Variants in IL1RAPL2 observed in about 807,000 individuals in gnomAD.
The protein encoded by IL1RAPL2 is interleukin 1 receptor accessory protein like 2.
IL1RAPL2 carries 3 observed loss-of-function variants against 44.1 expected under a neutral mutation model. The observed-to-expected ratio is 0.07, with a 90% CI of 0.03 to 0.18. IL1RAPL2 has a LOEUF of 0.18. IL1RAPL2 is among the 10% of genes least tolerant of loss of function. The pLI is 1.00. For missense variants in IL1RAPL2, 391 were observed against 496.4 expected, an observed-to-expected ratio of 0.79 and a Z score of 2.02; for synonymous variants, 181 against 178.8, an observed-to-expected ratio of 1.01 and a Z score of -0.10.
chrX:105,237,124 G>A (rs1229838938), intron 4 of IL1RAPL2, among the ~76,000 whole-genome samples: 1 of 111,569 alleles, frequency 9.0e-6, no homozygotes, highest in African/African-American at 3.3e-5. Flanking sequence ...GCAATAGTTT[G>A]CTGAGAATGA....
At chrX:105,403,032 A>G (rs1384395627) in intron 5 of IL1RAPL2, among the ~76,000 whole-genome samples, 1 of 112,022 alleles carries the variant, frequency 8.9e-6, no homozygotes, top group East Asian at 2.8e-4. Flanking sequence ...GTGCTGCAAC[A>G]TAGTGGAGAG....
chrX:105,636,198 GA>G (rs2037521843), intron 6 of IL1RAPL2, among the ~76,000 whole-genome samples: 1 of 110,865 alleles, frequency 9.0e-6, no homozygotes, highest in African/African-American at 3.3e-5. Flanking sequence ...TTAGAAAGAA[GA>G]AAGACATTTA....
intron 2 of IL1RAPL2, among the ~76,000 whole-genome samples, chrX:105,012,830 C>T (rs2031088860): frequency 9.0e-6 from 1 of 110,542 alleles, no homozygotes; most frequent in African/African-American, 3.3e-5. Context: ...AGTTTCTCTG[C>T]TTTATAATCA....
chrX:105,035,375 A>G (rs2031610037), intron 2 of IL1RAPL2, among the ~76,000 whole-genome samples: 1 of 111,945 alleles, frequency 8.9e-6, no homozygotes, highest in Admixed American at 9.5e-5. Flanking sequence ...CTATTCGGCC[A>G]TCTTGGCTCC....
chrX:104,732,396 C>T (rs1931937235), intron 2 of IL1RAPL2, among the ~76,000 whole-genome samples: 2 of 111,488 alleles, frequency 1.8e-5, no homozygotes, highest in African/African-American at 6.5e-5. Context: ...ACTGATTTTA[C>T]AAAAAGACTT....
intron 2 of IL1RAPL2, among the ~76,000 whole-genome samples, chrX:104,902,611 A>G (rs1271615762): frequency 8.9e-6 from 1 of 112,100 alleles, no homozygotes; most frequent in Non-Finnish European, 1.9e-5. Flanking sequence ...AGCCTAACAG[A>G]TTATTTAGTA....
intron 2 of IL1RAPL2, among the ~76,000 whole-genome samples, chrX:104,868,952 T>A (rs1922687539): frequency 8.9e-6 from 1 of 111,838 alleles, no homozygotes; most frequent in African/African-American, 3.2e-5. Flanking sequence ...GAATAATCGT[T>A]TCTTTTTTTC....
At chrX:104,857,552 G>A (rs1411194327) in intron 2 of IL1RAPL2, among the ~76,000 whole-genome samples, 1 of 112,040 alleles carries the variant, frequency 8.9e-6, no homozygotes, top group East Asian at 2.8e-4. Flanking sequence ...CCCATAAAGT[G>A]AAAACTGTTT....
chrX:104,598,544 T>C (rs1472062032), intron 1 of IL1RAPL2, among the ~76,000 whole-genome samples: 1 of 112,046 alleles, frequency 8.9e-6, no homozygotes, highest in African/African-American at 3.2e-5. Context: ...TATCTTTGTG[T>C]TCCTTTTACC....
intron 2 of IL1RAPL2, among the ~76,000 whole-genome samples, chrX:104,877,529 G>A (rs367978395): frequency 8.9e-6 from 1 of 112,424 alleles, no homozygotes; most frequent in South Asian, 3.6e-4. Context: ...GCTTTTTATA[G>A]CATCTAACTT....
chrX:105,101,492 T>C (rs2032670438), intron 2 of IL1RAPL2, among the ~76,000 whole-genome samples: 1 of 111,916 alleles, frequency 8.9e-6, no homozygotes, highest in African/African-American at 3.2e-5. Context: ...TAACATTTTT[T>C]AGGAGTCATT....
chrX:105,370,155 G>A (rs778172579), intron 5 of IL1RAPL2, among the ~76,000 whole-genome samples: 1 of 111,808 alleles, frequency 8.9e-6, no homozygotes, highest in African/African-American at 3.2e-5. Flanking sequence ...TATATTGCCA[G>A]CCTGACTTCT....
chrX:104,893,183 AT>A (rs1217380547), intron 2 of IL1RAPL2, among the ~76,000 whole-genome samples: 38 of 111,427 alleles, frequency 3.4e-4, no homozygotes, highest in Non-Finnish European at 6.8e-4. Flanking sequence ...GTTCTTTTAC[AT>A]TTTGCTGAGG....
chrX:105,118,295 A>G (rs1428439276), intron 2 of IL1RAPL2, among the ~76,000 whole-genome samples: 2 of 112,472 alleles, frequency 1.8e-5, no homozygotes, highest in East Asian at 5.6e-4. Context: ...CAGGGCCATC[A>G]GCCCCAGTAG....
chrX:104,890,472 T>A (rs1369716133), intron 2 of IL1RAPL2, among the ~76,000 whole-genome samples: 6 of 112,211 alleles, frequency 5.3e-5, no homozygotes, highest in African/African-American at 1.6e-4. Context: ...GTTTCCTGAC[T>A]TTTTAATAGT....
At chrX:104,788,863 G>A (rs995138598) in intron 2 of IL1RAPL2, among the ~76,000 whole-genome samples, 1 of 111,959 alleles carries the variant, frequency 8.9e-6, no homozygotes, top group East Asian at 2.8e-4. Context: ...GCCTGTATTT[G>A]ATTTCTGGCT....
At chrX:105,219,011 T>A (rs782452998) in intron 3 of IL1RAPL2, 26 of 1,211,387 alleles carry the variant, frequency 2.1e-5, no homozygotes, top group Non-Finnish European at 2.8e-5. Context: ...TCGAAGCAAG[T>A]ATCCCTCCGT....
At chrX:105,703,771 G>C (rs1234539818) in intron 6 of IL1RAPL2, among the ~76,000 whole-genome samples, 1 of 111,822 alleles carries the variant, frequency 8.9e-6, no homozygotes, top group Non-Finnish European at 1.9e-5. Flanking sequence ...ATCTTGGTGG[G>C]TATCAAATGT....
chrX:105,513,036 G>C (rs927476255), intron 6 of IL1RAPL2, among the ~76,000 whole-genome samples: 1 of 110,767 alleles, frequency 9.0e-6, no homozygotes, highest in Non-Finnish European at 1.9e-5. Context: ...TTCTGTTCTT[G>C]TGATAGTTTG....
Sources: allele counts gnomAD v4.1 joint callset (sites outside exome capture counted in the v4.1 genomes callset), GRCh38; gene constraint gnomAD v4.1.1; transcripts MANE v1.5; gene names NCBI Gene and HGNC (gene_info 2026-07-23, HGNC 2026-07-21).